KIF26A: variants seen among roughly 807,000 people sequenced by gnomAD.
KIF26A encodes kinesin-like protein KIF26A.
In KIF26A, 74 loss-of-function variants were observed where a neutral mutation model predicts 126.0. That is an observed-to-expected ratio of 0.59 (90% CI 0.49 to 0.71). The LOEUF is 0.71. KIF26A is among the 30% of genes least tolerant of loss of function. KIF26A has a pLI of 0.00. For synonymous variants in KIF26A, 1,445 were observed against 1,232.7 expected (o/e 1.17, Z -3.61); for missense variants, 2,984 against 2,763.3 (o/e 1.08, Z -1.79).
At chr14:104,158,527 TCCAC>T (rs1273690162) in intron 4 of KIF26A, among the ~76,000 whole-genome samples, 1 of 152,172 alleles carries the variant, frequency 6.6e-6, no homozygotes, top group Non-Finnish European at 1.5e-5. Flanking sequence ...CAGGTCCAGC[TCCAC>T]CAGGAGCATC....
intron 4 of KIF26A, among the ~76,000 whole-genome samples, chr14:104,166,228 G>T (rs2037900134): frequency 6.6e-6 from 1 of 152,138 alleles, no homozygotes; most frequent in Admixed American, 6.5e-5. Context: ...TAGGGCCTTG[G>T]TGATCGGCAA....
intron 10 of KIF26A, 42 bp from the exon 11 acceptor site, chr14:104,174,106 C>A (rs781742229): frequency 1.3e-6 from 2 of 1,498,800 alleles, no homozygotes; most frequent in South Asian, 1.3e-5. Context: ...CCCCGAAGCT[C>A]CCTTCCCAAG....
intron 3 of KIF26A, among the ~76,000 whole-genome samples, chr14:104,156,895 C>T (rs1044147405): frequency 1.5e-4 from 23 of 152,256 alleles, no homozygotes; most frequent in Admixed American, 7.2e-4. Flanking sequence ...CACTTGGGGC[C>T]GAATGACGCT....
intron 3 of KIF26A, among the ~76,000 whole-genome samples, chr14:104,155,610 C>G (rs1037420166): frequency 6.6e-6 from 1 of 152,226 alleles, no homozygotes; most frequent in African/African-American, 2.4e-5. Flanking sequence ...CTCGCTTTGC[C>G]AGACGGCTTC....
chr14:104,138,950 G>A, intron 1 of KIF26A, 93 bp from the exon 2 acceptor site: 1 of 1,301,204 alleles, frequency 7.7e-7, no homozygotes, highest in Non-Finnish European at 9.7e-7. Flanking sequence ...TCCTAACTTT[G>A]GCAAGAGCGT....
intron 13 of KIF26A, 87 bp from the exon 14 acceptor site, chr14:104,179,148 GA>G: frequency 7.4e-7 from 1 of 1,353,216 alleles, no homozygotes; most frequent in Non-Finnish European, 9.6e-7. Context: ...CCTGGCAGGT[GA>G]AGGGAGGCGG....
rs776518146 is a variant in KIF26A, at chr14:104,152,080, C to T, written c.354C>T (p.Arg118=). The T allele has an allele frequency of 3.1e-6, 5 of 1,612,644 alleles. No homozygotes were observed. Among genetic ancestry groups the T allele is most frequent in the Admixed American group, 1.7e-5 (1 of 60,022 alleles). Residue 118 remains arginine, a synonymous_variant, in exon 3 of 15, where the codon CGC becomes CGT. Coordinates refer to ENST00000423312, the MANE Select transcript of KIF26A (RefSeq NM_015656.2). The surrounding 1 kb of genome is among the most constrained non-coding windows in gnomAD (Gnocchi z 5.9). The stretch of plus-strand genomic sequence containing the variant: ...CACCTGGGGCCCTGCCAGCCTGTCG[C>T]CCAGAGGCCGAGCGCCGCTGTGACG... ...LPAPGALPAC[R]PEAERRCDVC...
intron 5 of KIF26A, among the ~76,000 whole-genome samples, 197 bp downstream of exon 5, chr14:104,167,245 G>A (rs529543604): frequency 1.1e-3 from 174 of 152,202 alleles, no homozygotes; most frequent in Middle Eastern, 6.8e-3. Context: ...TGGGACTGCC[G>A]GGATGGGAGG....
chr14:104,166,579 A>G (rs1356333147), intron 4 of KIF26A, among the ~76,000 whole-genome samples: 1 of 152,104 alleles, frequency 6.6e-6, no homozygotes, highest in African/African-American at 2.4e-5. Flanking sequence ...TTCAGTGCAG[A>G]GCACAGGGAG....
At chr14:104,149,940 G>A (rs2037711354) in intron 2 of KIF26A, among the ~76,000 whole-genome samples, 1 of 152,222 alleles carries the variant, frequency 6.6e-6, no homozygotes, top group African/African-American at 2.4e-5. Flanking sequence ...CACCAGGGCA[G>A]CCTCCTGCTG....
At chr14:104,150,427 C>T (rs749387283) in intron 2 of KIF26A, among the ~76,000 whole-genome samples, 20 of 151,908 alleles carry the variant, frequency 1.3e-4, no homozygotes, top group Non-Finnish European at 2.4e-4. Flanking sequence ...CCTTTTCATG[C>T]GACCTGCCTG....
In KIF26A at chr14:104,150,317, A is replaced by ACG. The variant is rs1470630518; in HGVS notation, c.289-1694_289-1693dup. 2.2e-4 allele frequency among the ~76,000 whole-genome samples: 34 copies of ACG among 151,264 alleles called. No homozygotes were observed. The East Asian group carries it at 6.7e-3, about 30-fold the overall frequency. On this transcript the variant is annotated intron_variant, in intron 2 of 14. Coordinates refer to ENST00000423312, the MANE Select transcript of KIF26A (RefSeq NM_015656.2). Reference sequence around the variant, plus strand: ...AGGGGCATTGGCTAATCGGGACCAGACGCGCCAGGCACTTCAGAGGCTCTG... The same window carrying ACG: ...AGGGGCATTGGCTAATCGGGACCAGACGCGCGCCAGGCACTTCAGAGGCTCTG...
intron 4 of KIF26A, among the ~76,000 whole-genome samples, chr14:104,158,189 C>T (rs998980117): frequency 2.6e-5 from 4 of 152,262 alleles, no homozygotes; most frequent in Non-Finnish European, 4.4e-5. Context: ...GGCTCTGTGG[C>T]CAGGACCCTG....
At chr14:104,159,795 C>T (rs28374587) in intron 4 of KIF26A, among the ~76,000 whole-genome samples, 37,455 of 151,880 alleles carry the variant, frequency 0.25, 4,899 homozygotes, top group Middle Eastern at 0.36. Flanking sequence ...TGGGCCCTGT[C>T]GGTGGATGCC....
intron 10 of KIF26A, 40 bp downstream of exon 10, chr14:104,173,908 C>T: frequency 6.5e-7 from 1 of 1,529,596 alleles, no homozygotes; most frequent in South Asian, 1.2e-5. Flanking sequence ...CAGGGTGGCC[C>T]CTTGGTGACC....
At position 104,164,144 on chromosome 14, in the gene KIF26A, C is replaced by T. The variant is rs768142582; in HGVS notation, c.924-2715C>T. 6.0e-4 allele frequency among the ~76,000 whole-genome samples: 91 copies of T among 152,150 alleles called. 1 individual carries two copies. Among genetic ancestry groups the T allele is most frequent in the Non-Finnish European group, 1.8e-4 (12 of 68,028 alleles). On this transcript the variant is annotated intron_variant, in intron 4 of 14. Transcript: ENST00000423312. ...TTAAGCAAAACGCCAGCGCTGCAGC[C>T]GCCGCAGTGGGGGCAGCGAGAGGCC...
intron 4 of KIF26A, among the ~76,000 whole-genome samples, chr14:104,163,662 A>G (rs11628373): frequency 0.7 from 106,154 of 151,514 alleles, 38,643 homozygotes; most frequent in African/African-American, 0.91. Flanking sequence ...CCAGAGGGTC[A>G]CGAACCTGGG....
At chr14:104,144,127 T>A (rs1420967873) in intron 2 of KIF26A, among the ~76,000 whole-genome samples, 1 of 152,158 alleles carries the variant, frequency 6.6e-6, no homozygotes, top group Non-Finnish European at 1.5e-5. Context: ...TGGTTCAGCA[T>A]GTGATGGGTG....
chr14:104,161,017 C>CG (rs1350495794), intron 4 of KIF26A, among the ~76,000 whole-genome samples: 2 of 125,984 alleles, frequency 1.6e-5, no homozygotes, highest in African/African-American at 3.3e-5. Context: ...GCAGCGCCTG[C>CG]GGGGAGAGTG....
Sources: allele counts gnomAD v4.1 joint callset (sites outside exome capture counted in the v4.1 genomes callset), GRCh38; gene constraint gnomAD v4.1.1; non-coding constraint Gnocchi (gnomAD v3.1); transcripts MANE v1.5; gene names NCBI Gene and HGNC (gene_info 2026-07-23, HGNC 2026-07-21).